The following YTHDF1 variants were observed in gnomAD, a reference collection of about 807,000 sequenced individuals.
The protein encoded by YTHDF1 is YTH domain-containing family protein 1.
A neutral mutation model predicts 49.1 loss-of-function variants in YTHDF1; 16 were observed. The observed-to-expected ratio is 0.33, with a 90% CI of 0.22 to 0.49. The LOEUF (loss-of-function observed/expected upper bound fraction) is 0.49. Ranked by LOEUF, YTHDF1 falls within the 20% of genes least tolerant of loss-of-function variation. The probability of loss-of-function intolerance (pLI) is 0.99; values close to 1 mark genes in which losing one functional copy is unlikely to be tolerated. For missense variants in YTHDF1, 621 were observed against 744.3 expected, an observed-to-expected ratio of 0.83 and a Z score of 1.93; for synonymous variants, 313 against 290.1, an observed-to-expected ratio of 1.08 and a Z score of -0.80.
In YTHDF1 at chr20:63,196,308, C is replaced by T. The variant is rs111999571; in HGVS notation, c.*400G>A. On this transcript the variant is annotated 3_prime_UTR_variant, in exon 5 of 5. Transcript: ENST00000370339. ...TTTCAAGAGATTTTATCAGAATACT[C>T]TAAATGACAAAATGACTCATGGTTT... is the stretch of plus-strand genomic sequence containing the variant. 1.4e-4 allele frequency: 22 copies of T among 160,016 alleles called. No homozygotes were observed. The highest frequency in any genetic ancestry group is 5.0e-4 in the African/African-American group (21 of 41,692). The allele number at this position is 160,016 out of a possible 1,614,324, so 9.9% of individuals were successfully genotyped here. A position where few individuals can be genotyped will look rare whatever the true frequency, so the allele number is the denominator to read the frequency against.
In YTHDF1 at chr20:63,213,797, G is replaced by C. The variant is rs191308515; in HGVS notation, c.132+67C>G. ...TTAGGATAATTTAAAAATCAGAAAT[G>C]ACAGTAAAGGTACAAAACAATTAAA... On this transcript the variant is annotated intron_variant, in intron 3 of 4. Transcript: ENST00000370339. 36 of 1,371,360 alleles carry C rather than the reference G, an allele frequency of 2.6e-5. No homozygotes were observed. In the African/African-American group the frequency reaches 5.0e-4, roughly 19 times the overall value. 84.9% of individuals were successfully genotyped at this position (1,371,360 alleles called of 1,614,324 possible). A position where few individuals can be genotyped will look rare whatever the true frequency, so the allele number is the denominator to read the frequency against.
intron 4 of YTHDF1, among the ~76,000 whole-genome samples, chr20:63,200,231 G>T (rs535301423): frequency 1.3e-5 from 2 of 151,944 alleles, no homozygotes; most frequent in East Asian, 3.9e-4. Flanking sequence ...TGCAGTGGTG[G>T]GCGCCTATGA....
chr20:63,205,611 C>A (rs1400866819), intron 3 of YTHDF1, among the ~76,000 whole-genome samples: 1 of 151,970 alleles, frequency 6.6e-6, no homozygotes, highest in Non-Finnish European at 1.5e-5. Flanking sequence ...CAGGTTCAAG[C>A]GATTCTCATG....
Position 63,202,587 on chromosome 20 carries a change from C to G in YTHDF1, c.1353G>C (p.Glu451Asp). The stretch of plus-strand genomic sequence containing the variant: ...TGCCGTAGTCCACGGGGGACTTCAT[C>G]TCGGCCACCCCACAAAAATGCCCAC... ...NGSGHFCGVA[E>D]MKSPVDYGTS... is the part of the protein sequence containing the mutation. Residue 451 changes from glutamate (E) to aspartate (D), a missense_variant, in exon 4 of 5, where the codon GAG becomes GAC. Glu to Asp is a conservative substitution (Grantham distance 45). This residue lies in a region of YTHDF1 where 151 missense variants were observed against 248.5 expected (regional missense o/e 0.61). Coordinates refer to ENST00000370339, the MANE Select transcript of YTHDF1 (RefSeq NM_017798.4). 1 of 1,614,208 alleles carries G rather than the reference C, an allele frequency of 6.2e-7. No individual in the cohort carries two copies. The highest frequency in any genetic ancestry group is 8.5e-7 in the Non-Finnish European group (1 of 1,180,058).
chr20:63,204,178 C>T (rs1010295158), intron 3 of YTHDF1, among the ~76,000 whole-genome samples: 1 of 152,230 alleles, frequency 6.6e-6, no homozygotes, highest in Non-Finnish European at 1.5e-5. Context: ...TTATGACAGA[C>T]ACGGACGGCA....
chr20:63,207,910 G>A (rs1316017683), intron 3 of YTHDF1, among the ~76,000 whole-genome samples: 1 of 151,628 alleles, frequency 6.6e-6, no homozygotes, highest in African/African-American at 2.4e-5. Context: ...AGAATCGCTT[G>A]AACCTGGGAG....
chr20:63,203,729 T>A lies in YTHDF1; in HGVS notation c.211A>T (p.Asn71Tyr). Residue 71 changes from asparagine (N) to tyrosine (Y), a missense_variant, in exon 4 of 5, where the codon AAT becomes TAT. Asn to Tyr is a moderately radical substitution (Grantham distance 143). Around this residue, in one of 2 missense-constraint regions of YTHDF1, gnomAD observed 470 missense variants for 495.8 expected, o/e 0.95. Transcript: ENST00000370339. The surrounding 1 kb of genome is among the most constrained non-coding windows in gnomAD (Gnocchi z 4.4). ...CCTGCAGTAGACCACGGAGCCTCAT[T>A]GAGGGAGTAAGGAAATCCAATGGAC... ...PPSIGFPYSL[N>Y]EAPWSTAGDP... 2 of 1,614,048 alleles carry A rather than the reference T, an allele frequency of 1.2e-6. No homozygotes were observed. The highest frequency in any genetic ancestry group is 1.7e-6 in the Non-Finnish European group (2 of 1,179,996).
chr20:63,215,767 G>T, intron 1 of YTHDF1, 99 bp downstream of exon 1: 2 of 1,380,916 alleles, frequency 1.4e-6, no homozygotes, highest in Non-Finnish European at 9.4e-7. Flanking sequence ...GCCTGGGCCC[G>T]GCCTCCGCGA....
At chr20:63,212,465 G>A (rs1333006719) in intron 3 of YTHDF1, among the ~76,000 whole-genome samples, 1 of 152,236 alleles carries the variant, frequency 6.6e-6, no homozygotes, top group Non-Finnish European at 1.5e-5. Context: ...AGGGCTACTT[G>A]GAGTGGCGGA....
At position 63,196,329 on chromosome 20, in the gene YTHDF1, G is replaced by C. The variant is rs1568989160; in HGVS notation, c.*379C>G. 6.0e-6 allele frequency: 1 copy of C among 166,670 alleles called. No individual in the cohort carries two copies. Among genetic ancestry groups the C allele is most frequent in the Non-Finnish European group, 1.3e-5 (1 of 78,024 alleles). 10.3% of individuals were successfully genotyped at this position (166,670 alleles called of 1,614,324 possible). A position where few individuals can be genotyped will look rare whatever the true frequency, so the allele number is the denominator to read the frequency against. ...TACTCTAAATGACAAAATGACTCAT[G>C]GTTTCTTATGTTTGCTAAAAAGCAA... On this transcript the variant is annotated 3_prime_UTR_variant, in exon 5 of 5. Coordinates refer to ENST00000370339, the MANE Select transcript of YTHDF1 (RefSeq NM_017798.4).
chr20:63,196,681 T>C lies in YTHDF1; in HGVS notation c.*27A>G. 6.2e-7 allele frequency: 1 copy of C among 1,613,758 alleles called. No individual in the cohort carries two copies. On this transcript the variant is annotated 3_prime_UTR_variant, in exon 5 of 5. Coordinates refer to ENST00000370339, the MANE Select transcript of YTHDF1 (RefSeq NM_017798.4). ...TTAAACTGTTTTCAAAGTCAAACGT[T>C]AGAACATGTAAGAAACTGGTTCGCC...
At position 63,203,574 on chromosome 20, in the gene YTHDF1, A is replaced by G. The variant is rs769452808; in HGVS notation, c.366T>C (p.Phe122=). 1.4e-5 allele frequency: 23 copies of G among 1,614,034 alleles called. No homozygotes were observed. Among genetic ancestry groups the G allele is most frequent in the Non-Finnish European group, 1.9e-5 (22 of 1,180,038 alleles). ...CTGAGAACGCAGGGTTTTCAGGGAA[A>G]AAATTGAACCTGTGCTGATAGATGT... The part of the protein sequence containing the change: ...GNNIYQHRFN[F]FPENPAFSAW... Residue 122 remains phenylalanine (F), a synonymous_variant, in exon 4 of 5, where the codon TTT becomes TTC. Coordinates refer to ENST00000370339, the MANE Select transcript of YTHDF1 (RefSeq NM_017798.4). The surrounding 1 kb of genome is among the most constrained non-coding windows in gnomAD (Gnocchi z 4.4).
rs1464606369 is a variant in YTHDF1, at chr20:63,195,672, G to A, written c.*1036C>T. ...CACGTGCAGATCCAGGCGCTGGAGC[G>A]TCAGGCATGGGCACCATTTTCATGC... On this transcript the variant is annotated 3_prime_UTR_variant, in exon 5 of 5. Transcript: ENST00000370339. The A allele has an allele frequency of 6.6e-6, 1 of 152,560 alleles. No homozygotes were observed. The highest frequency in any genetic ancestry group is 1.5e-5 in the Non-Finnish European group (1 of 68,046). 9.5% of individuals were successfully genotyped at this position (152,560 alleles called of 1,614,324 possible).
chr20:63,215,483 GAA>G (rs1416088127), intron 2 of YTHDF1, 92 bp downstream of exon 2: 10 of 1,555,900 alleles, frequency 6.4e-6, no homozygotes, highest in Admixed American at 1.7e-5. Context: ...GCGGAAGAGA[GAA>G]AGTTTCCGGT....
chr20:63,207,417 C>T (rs1164991909), intron 3 of YTHDF1, among the ~76,000 whole-genome samples: 3 of 151,766 alleles, frequency 2.0e-5, no homozygotes, highest in Non-Finnish European at 4.4e-5. Context: ...TGCAGTGAGC[C>T]GAGATCGAGC....
intron 2 of YTHDF1, chr20:63,214,250 G>A (rs2066590313): frequency 2.3e-6 from 1 of 441,838 alleles, no homozygotes; most frequent in Non-Finnish European, 3.0e-6. Flanking sequence ...CATGGTCTAA[G>A]AAGACTTATG....
At chr20:63,204,423 C>A (rs2066534943) in intron 3 of YTHDF1, among the ~76,000 whole-genome samples, 1 of 152,194 alleles carries the variant, frequency 6.6e-6, no homozygotes, top group African/African-American at 2.4e-5. Flanking sequence ...TCCACACACC[C>A]TTCCTAGCAG....
At chr20:63,213,258 C>T (rs1366498210) in intron 3 of YTHDF1, among the ~76,000 whole-genome samples, 1 of 152,218 alleles carries the variant, frequency 6.6e-6, no homozygotes, top group Non-Finnish European at 1.5e-5. Context: ...ATGGTGAAAC[C>T]CCGTCTCTAC....
chr20:63,202,198 G>A, intron 4 of YTHDF1, 89 bp downstream of exon 4: 2 of 1,496,248 alleles, frequency 1.3e-6, no homozygotes, highest in Non-Finnish European at 1.8e-6. Flanking sequence ...CGGCGGACCT[G>A]CCGCATCTGC....
Sources: gnomAD v4.1 joint callset for allele counts (sites outside exome capture counted in the v4.1 genomes callset) on GRCh38, gnomAD v4.1.1 for gene constraint, gnomAD v4.1.1 regional missense constraint, Gnocchi (gnomAD v3.1) non-coding constraint, MANE v1.5 for transcripts, NCBI Gene and HGNC (gene_info 2026-07-23, HGNC 2026-07-21) for gene names.